UNC5D: variants seen among roughly 807,000 people sequenced by gnomAD.
The protein encoded by UNC5D is unc-5 netrin receptor D, also known as netrin receptor UNC5D.
In UNC5D, 39 loss-of-function variants were observed where a neutral mutation model predicts 105.4. The ratio of observed to expected loss-of-function variants is 0.37; its 90% CI spans 0.29 to 0.48. UNC5D has a LOEUF of 0.48. Ranked by LOEUF, UNC5D falls within the 20% of genes least tolerant of loss-of-function variation. The pLI, the probability that UNC5D is intolerant of heterozygous loss-of-function variation, is 0.98. For synonymous variants in UNC5D, 452 were observed against 450.4 expected (o/e 1.00, Z -0.04); for missense variants, 991 against 1,202.4 (o/e 0.82, Z 2.60).
chr8:35,467,318 T>C (rs1809377631), intron 1 of UNC5D, among the ~76,000 whole-genome samples: 1 of 152,122 alleles, frequency 6.6e-6, no homozygotes, highest in African/African-American at 2.4e-5. Context: ...GAATTCATCA[T>C]GGAACTGTGC....
intron 1 of UNC5D, among the ~76,000 whole-genome samples, chr8:35,268,463 C>T (rs1554860): frequency 0.82 from 124,673 of 152,028 alleles, 51,563 homozygotes; most frequent in East Asian, 1. Context: ...GAGCCTTGAA[C>T]TCCTTTATCA....
At chr8:35,605,819 A>G (rs1288297100) in intron 4 of UNC5D, among the ~76,000 whole-genome samples, 4 of 152,186 alleles carry the variant, frequency 2.6e-5, no homozygotes, top group African/African-American at 7.2e-5. Context: ...ATATTTAGAC[A>G]TTTGGCTGAT....
rs111830587 is a variant in UNC5D at position 35,561,214 on chromosome 8, C to G, written c.323-6884C>G. The stretch of plus-strand genomic sequence containing the variant: ...TCTATGGAGCTCTTATACTCCAGAT[C>G]ACTGTTCCCCTGCCCTAACCCCAGG... On this transcript the variant is annotated intron_variant, in intron 2 of 16. Transcript: ENST00000404895. Among the ~76,000 whole-genome samples, 390 of 152,286 alleles carry G rather than the reference C, an allele frequency of 2.6e-3. 2 individuals carry two copies. Among genetic ancestry groups the G allele is most frequent in the African/African-American group, 8.9e-3 (370 of 41,554 alleles).
intron 1 of UNC5D, among the ~76,000 whole-genome samples, chr8:35,266,370 T>A (rs527977387): frequency 3.9e-5 from 6 of 152,330 alleles, no homozygotes; most frequent in African/African-American, 1.4e-4. Context: ...TAAATACTGT[T>A]GAACCATATA....
Position 35,750,810 on chromosome 8 carries a change from G to T in UNC5D, c.2163+1G>T, listed in dbSNP as rs1830245606. Reference sequence around the variant, plus strand: ...GGACAATACCCCTTGTGCATTTCAGGTTAGCCTTTGTTTTAATAATTTTCT... The same window carrying T: ...GGACAATACCCCTTGTGCATTTCAGTTTAGCCTTTGTTTTAATAATTTTCT... On this transcript the variant is annotated splice_donor_variant, in intron 13 of 16. Transcript: ENST00000404895. LOFTEE classifies it high-confidence loss of function. 2 of 1,613,734 alleles carry T rather than the reference G, an allele frequency of 1.2e-6. No individual in the cohort carries two copies. Among genetic ancestry groups the T allele is most frequent in the Non-Finnish European group, 1.7e-6 (2 of 1,179,688 alleles).
chr8:35,446,323 A>G (rs1480203789), intron 1 of UNC5D, among the ~76,000 whole-genome samples: 1 of 152,078 alleles, frequency 6.6e-6, no homozygotes, highest in African/African-American at 2.4e-5. Context: ...CTCATATACC[A>G]TATTACATTG....
intron 1 of UNC5D, among the ~76,000 whole-genome samples, chr8:35,515,865 A>G (rs186210442): frequency 2.0e-5 from 3 of 152,160 alleles, no homozygotes; most frequent in South Asian, 2.1e-4. Flanking sequence ...TTACCATGCC[A>G]TAATAAGACC....
At chr8:35,284,324 A>C (rs1421340646) in intron 1 of UNC5D, among the ~76,000 whole-genome samples, 1 of 152,194 alleles carries the variant, frequency 6.6e-6, no homozygotes, top group African/African-American at 2.4e-5. Flanking sequence ...AAAATTCACT[A>C]CTTTTGGTGA....
chr8:35,400,670 T>C (rs1804401688), intron 1 of UNC5D, among the ~76,000 whole-genome samples: 1 of 152,220 alleles, frequency 6.6e-6, no homozygotes, highest in East Asian at 1.9e-4. Context: ...AGGCATCATC[T>C]GATAGTTGAT....
chr8:35,446,778 A>G (rs1356749526), intron 1 of UNC5D, among the ~76,000 whole-genome samples: 2 of 151,978 alleles, frequency 1.3e-5, no homozygotes, highest in Non-Finnish European at 2.9e-5. Flanking sequence ...CCATACCCAC[A>G]CTTTATTGCC....
intron 1 of UNC5D, among the ~76,000 whole-genome samples, chr8:35,548,285 A>G (rs892868347): frequency 7.2e-5 from 11 of 152,156 alleles, no homozygotes; most frequent in Non-Finnish European, 1.5e-4. Context: ...TCCATCCTAA[A>G]GACTGGTTTG....
intron 1 of UNC5D, among the ~76,000 whole-genome samples, chr8:35,428,118 C>A (rs1429906681): frequency 1.3e-5 from 2 of 152,092 alleles, no homozygotes; most frequent in Admixed American, 6.6e-5. Context: ...ACTCAGGTAG[C>A]TTTTCCCACA....
chr8:35,665,805 A>T (rs1461802005), intron 4 of UNC5D, among the ~76,000 whole-genome samples: 3 of 152,066 alleles, frequency 2.0e-5, no homozygotes, highest in African/African-American at 7.2e-5. Context: ...TATATAATGT[A>T]TACATTTATG....
intron 7 of UNC5D, among the ~76,000 whole-genome samples, chr8:35,704,104 A>G (rs1827381180): frequency 6.6e-6 from 1 of 152,164 alleles, no homozygotes; most frequent in Non-Finnish European, 1.5e-5. Flanking sequence ...ACATCAACAA[A>G]TTATTATCTT....
At chr8:35,363,326 C>A (rs1031882150) in intron 1 of UNC5D, among the ~76,000 whole-genome samples, 1 of 151,982 alleles carries the variant, frequency 6.6e-6, no homozygotes, top group East Asian at 1.9e-4. Flanking sequence ...AAGTGGAACC[C>A]CCTAATAAAA....
At chr8:35,534,057 A>G (rs926194960) in intron 1 of UNC5D, among the ~76,000 whole-genome samples, 1 of 152,126 alleles carries the variant, frequency 6.6e-6, no homozygotes, top group African/African-American at 2.4e-5. Context: ...CTATTCGGCC[A>G]TCTTGGCTCC....
At chr8:35,475,184 T>C (rs1194002920) in intron 1 of UNC5D, among the ~76,000 whole-genome samples, 2 of 152,146 alleles carry the variant, frequency 1.3e-5, no homozygotes, top group Non-Finnish European at 2.9e-5. Context: ...GAGGTGAATT[T>C]GGGAGTCCAG....
At chr8:35,722,745 A>G (rs975542578) in intron 9 of UNC5D, among the ~76,000 whole-genome samples, 4 of 152,262 alleles carry the variant, frequency 2.6e-5, no homozygotes, top group African/African-American at 9.6e-5. Context: ...AGTATTGGTC[A>G]TTCAAGACTG....
At chr8:35,285,596 TC>T (rs1446974753) in intron 1 of UNC5D, among the ~76,000 whole-genome samples, 1 of 152,230 alleles carries the variant, frequency 6.6e-6, no homozygotes, top group Non-Finnish European at 1.5e-5. Flanking sequence ...TTATATTTAT[TC>T]AGGGATCTAG....
Sources: gnomAD v4.1 joint callset for allele counts (sites outside exome capture counted in the v4.1 genomes callset) on GRCh38, gnomAD v4.1.1 for gene constraint, MANE v1.5 for transcripts, NCBI Gene and HGNC (gene_info 2026-07-23, HGNC 2026-07-21) for gene names.